TTC39C: variants seen among roughly 807,000 people sequenced by gnomAD.
The protein encoded by TTC39C is tetratricopeptide repeat domain 39C, also known as tetratricopeptide repeat protein 39C.
In TTC39C, 33 loss-of-function variants were observed where a neutral mutation model predicts 76.3. The ratio of observed to expected loss-of-function variants is 0.43; its 90% confidence interval spans 0.33 to 0.58. TTC39C has a LOEUF of 0.58. TTC39C is among the 20% of genes least tolerant of loss of function. The pLI, the probability that TTC39C is intolerant of heterozygous loss-of-function variation, is 0.04. For missense variants in TTC39C, 595 were observed against 701.4 expected, an observed-to-expected ratio of 0.85 and a Z score of 1.71; for synonymous variants, 254 against 260.6, an observed-to-expected ratio of 0.97 and a Z score of 0.24.
chr18:24,070,485 T>G (rs191567975), intron 4 of TTC39C, among the ~76,000 whole-genome samples: 1 of 152,298 alleles, frequency 6.6e-6, no homozygotes, highest in East Asian at 1.9e-4. Context: ...AGACAAGAGC[T>G]CTGTGATTTT....
At position 24,083,346 on chromosome 18, in the gene TTC39C, A is replaced by G. The variant is rs1257546739; in HGVS notation, c.984+265A>G. ...CACAAGATTGGTGCACTTCCAGCCT[A>G]AGGCACGTGAGCATTATTTAGTTGC... is the stretch of plus-strand genomic sequence containing the variant. On this transcript the variant is annotated intron_variant, in intron 6 of 13. Coordinates refer to ENST00000317571, the MANE Select transcript of TTC39C (RefSeq NM_001135993.2). Among the ~76,000 whole-genome samples the G allele has an allele frequency of 2.0e-5, 3 of 152,196 alleles. No homozygotes were observed. In the East Asian group the frequency reaches 5.8e-4, roughly 29 times the overall value.
At chr18:24,019,374 A>G (rs1160808879) in intron 1 of TTC39C, among the ~76,000 whole-genome samples, 4 of 152,218 alleles carry the variant, frequency 2.6e-5, no homozygotes, top group Non-Finnish European at 5.9e-5. Flanking sequence ...TAAAATAGGA[A>G]ACATGTATCG....
intron 8 of TTC39C, among the ~76,000 whole-genome samples, chr18:24,121,947 C>T (rs1302950288): frequency 6.6e-6 from 1 of 152,172 alleles, no homozygotes; most frequent in Middle Eastern, 3.2e-3. Context: ...GATTGGTGCA[C>T]ACTCCTCCAT....
intron 1 of TTC39C, among the ~76,000 whole-genome samples, chr18:24,045,085 A>C (rs2083847764): frequency 2.6e-5 from 4 of 152,102 alleles, no homozygotes; most frequent in African/African-American, 9.7e-5. Flanking sequence ...CCTGGCCAAC[A>C]TGGCTAAACC....
intron 1 of TTC39C, 117 bp downstream of exon 1, chr18:24,015,155 G>A: frequency 1.1e-6 from 1 of 928,346 alleles, no homozygotes; most frequent in Non-Finnish European, 1.5e-6. Context: ...ACCGATTCCG[G>A]TCCTCAGGTC....
At chr18:24,032,919 G>A (rs995157285) in intron 1 of TTC39C, among the ~76,000 whole-genome samples, 1 of 152,208 alleles carries the variant, frequency 6.6e-6, no homozygotes, top group Non-Finnish European at 1.5e-5. Context: ...AATGGCTTTC[G>A]TTTTAACCAG....
chr18:23,994,507 A>C (rs539563550), intron 1 of TTC39C: 1 of 152,300 alleles, frequency 6.6e-6, no homozygotes, highest in South Asian at 2.1e-4. Flanking sequence ...AATTAAACCC[A>C]TTAGCCTAGT....
At chr18:24,107,098 TG>T (rs964522622) in intron 6 of TTC39C, among the ~76,000 whole-genome samples, 1 of 152,184 alleles carries the variant, frequency 6.6e-6, no homozygotes, top group African/African-American at 2.4e-5. Flanking sequence ...TGGGTTTTAT[TG>T]GTGTTTTACT....
chr18:24,014,615 A>G, upstream of TTC39C: 1 of 354,960 alleles, frequency 2.8e-6, no homozygotes, highest in Non-Finnish European at 4.6e-6. Context: ...GGAGGGCGCG[A>G]GAGGAGCGGG....
intron 6 of TTC39C, among the ~76,000 whole-genome samples, chr18:24,084,679 C>T (rs1350197435): frequency 5.3e-5 from 8 of 151,694 alleles, no homozygotes; most frequent in Admixed American, 2.6e-4. Context: ...CTTTTTGAGA[C>T]GGGTCTCACC....
At chr18:24,106,812 GA>G (rs1435156370) in intron 6 of TTC39C, among the ~76,000 whole-genome samples, 1 of 152,194 alleles carries the variant, frequency 6.6e-6, no homozygotes, top group Non-Finnish European at 1.5e-5. Flanking sequence ...AGCCTCCTAA[GA>G]AGCTGTCATT....
chr18:24,124,033 A>G lies in TTC39C; in HGVS notation c.1296+90A>G, dbSNP rs1361090726. The G allele has an allele frequency of 7.6e-6, 7 of 919,732 alleles. No homozygotes were observed. In the Admixed American group the frequency reaches 1.6e-4, roughly 22 times the overall value. The allele number at this position is 919,732 out of a possible 1,614,324, so 57.0% of individuals were successfully genotyped here. A position where few individuals can be genotyped will look rare whatever the true frequency, so the allele number is the denominator to read the frequency against. ...GGCAAGCTTTAGGAAATTATATTCA[A>G]GGCTGCCTATTTACTTGCCACATAA... On this transcript the variant is annotated intron_variant, in intron 9 of 13. Transcript: ENST00000317571.
intron 1 of TTC39C, among the ~76,000 whole-genome samples, chr18:24,057,019 A>G (rs997353317): frequency 3.3e-5 from 5 of 152,062 alleles, no homozygotes; most frequent in Non-Finnish European, 5.9e-5. Context: ...AATTTTATAC[A>G]TCTTGAAAAG....
rs775051317 is a variant in TTC39C at position 24,064,208 on chromosome 18, C to T, written c.216+20C>T. 66 of 1,612,438 alleles carry T rather than the reference C, an allele frequency of 4.1e-5. No individual in the cohort carries two copies. The highest frequency in any genetic ancestry group is 5.3e-5 in the Non-Finnish European group (63 of 1,179,518). On this transcript the variant is annotated intron_variant, in intron 2 of 13. Transcript: ENST00000317571. ...TTTTTGGTAAGTTGATATCTTAAGA[C>T]CTATTGGCATGAAGGAAACAATTAT...
chr18:24,113,378 G>A, intron 6 of TTC39C: 1 of 581,108 alleles, frequency 1.7e-6, no homozygotes. Flanking sequence ...GCCCAGGTCT[G>A]CGGGTGGGGG....
chr18:24,094,606 C>G (rs1437191852), intron 6 of TTC39C, among the ~76,000 whole-genome samples: 1 of 152,226 alleles, frequency 6.6e-6, no homozygotes, highest in Non-Finnish European at 1.5e-5. Flanking sequence ...TGTTAACAGA[C>G]ATGAAAACAA....
At chr18:24,041,900 A>G (rs899773434) in intron 1 of TTC39C, among the ~76,000 whole-genome samples, 1 of 152,130 alleles carries the variant, frequency 6.6e-6, no homozygotes, top group Non-Finnish European at 1.5e-5. Context: ...GCCCGGCGTG[A>G]TTACATTTTT....
chr18:24,049,164 A>G (rs983315680), intron 1 of TTC39C, among the ~76,000 whole-genome samples: 6 of 152,244 alleles, frequency 3.9e-5, no homozygotes, highest in African/African-American at 7.2e-5. Flanking sequence ...GAAATCACTC[A>G]AAACATTTTG....
chr18:24,091,084 G>A (rs553944180), intron 6 of TTC39C, among the ~76,000 whole-genome samples: 1 of 152,306 alleles, frequency 6.6e-6, no homozygotes, highest in South Asian at 2.1e-4. Flanking sequence ...TGGGATTACA[G>A]GCGTAAGCCG....
Sources: gnomAD v4.1 joint callset for allele counts (sites outside exome capture counted in the v4.1 genomes callset) on GRCh38, gnomAD v4.1.1 for gene constraint, MANE v1.5 for transcripts, NCBI Gene and HGNC (gene_info 2026-07-23, HGNC 2026-07-21) for gene names.